The following SLC16A10 variants were observed in gnomAD, a reference collection of about 807,000 sequenced individuals.
SLC16A10 encodes monocarboxylate transporter 10.
SLC16A10 carries 27 observed loss-of-function variants against 40.0 expected under a neutral mutation model. The observed-to-expected ratio is 0.67, with a 90% confidence interval of 0.50 to 0.93. The LOEUF is 0.93. SLC16A10 is among the 40% of genes least tolerant of loss of function. The pLI, the probability that SLC16A10 is intolerant of heterozygous loss-of-function variation, is 0.00. For synonymous variants in SLC16A10, 213 were observed against 249.8 expected (o/e 0.85, Z 1.39); for missense variants, 529 against 658.2 (o/e 0.80, Z 2.15).
chr6:111,212,040 C>T (rs1328004479), intron 4 of SLC16A10, among the ~76,000 whole-genome samples: 1 of 152,198 alleles, frequency 6.6e-6, no homozygotes, highest in Non-Finnish European at 1.5e-5. Flanking sequence ...TTCTGAGTAG[C>T]AGCCAGGCCT....
intron 2 of SLC16A10, among the ~76,000 whole-genome samples, chr6:111,174,292 A>T (rs1772639069): frequency 6.6e-6 from 1 of 152,102 alleles, no homozygotes; most frequent in Non-Finnish European, 1.5e-5. Flanking sequence ...AGGAAAAATA[A>T]GTCAAATTTA....
chr6:111,151,025 A>G (rs1024639185), intron 1 of SLC16A10, among the ~76,000 whole-genome samples: 4 of 152,158 alleles, frequency 2.6e-5, no homozygotes, highest in African/African-American at 9.7e-5. Context: ...TCCTTTTAGG[A>G]CACTTCCATC....
At chr6:111,191,720 C>A (rs535135991) in intron 3 of SLC16A10, among the ~76,000 whole-genome samples, 1 of 152,116 alleles carries the variant, frequency 6.6e-6, no homozygotes, top group Non-Finnish European at 1.5e-5. Flanking sequence ...TTCTAACTGG[C>A]GTGAGATAGT....
chr6:111,111,369 G>C (rs1771382723), intron 1 of SLC16A10, among the ~76,000 whole-genome samples: 1 of 152,082 alleles, frequency 6.6e-6, no homozygotes, highest in Non-Finnish European at 1.5e-5. Flanking sequence ...ACCTCACACA[G>C]TTATCATTTT....
intron 3 of SLC16A10, among the ~76,000 whole-genome samples, chr6:111,188,429 T>A (rs1364752758): frequency 6.6e-6 from 1 of 152,162 alleles, no homozygotes; most frequent in Non-Finnish European, 1.5e-5. Flanking sequence ...CAAATTTAAG[T>A]AATTTTGTTT....
intron 1 of SLC16A10, among the ~76,000 whole-genome samples, chr6:111,129,465 C>T (rs1771742960): frequency 6.6e-6 from 1 of 152,158 alleles, no homozygotes; most frequent in African/African-American, 2.4e-5. Context: ...TTGTTCTTGT[C>T]AGTGGCTTTA....
chr6:111,188,902 T>G (rs973561715), intron 3 of SLC16A10, among the ~76,000 whole-genome samples: 6 of 152,234 alleles, frequency 3.9e-5, no homozygotes, highest in African/African-American at 1.4e-4. Context: ...ACATTGAGGC[T>G]CAGAGAGGTT....
At chr6:111,161,605 C>T (rs1772374131) in intron 1 of SLC16A10, among the ~76,000 whole-genome samples, 1 of 151,974 alleles carries the variant, frequency 6.6e-6, no homozygotes, top group Non-Finnish European at 1.5e-5. Flanking sequence ...CTAAGGGTCC[C>T]CAGTAAAAGG....
intron 3 of SLC16A10, among the ~76,000 whole-genome samples, chr6:111,187,060 A>G (rs1772910817): frequency 6.6e-6 from 1 of 152,206 alleles, no homozygotes; most frequent in Non-Finnish European, 1.5e-5. Flanking sequence ...AGCATAGTTT[A>G]AGATTTTTGC....
At chr6:111,204,931 T>G (rs1458126632) in intron 3 of SLC16A10, among the ~76,000 whole-genome samples, 2 of 148,868 alleles carry the variant, frequency 1.3e-5, no homozygotes, top group Non-Finnish European at 3.0e-5. Context: ...ATTTTGTACT[T>G]TTTTTTTTTA....
intron 1 of SLC16A10, among the ~76,000 whole-genome samples, chr6:111,117,888 A>G (rs1771517146): frequency 6.6e-6 from 1 of 152,216 alleles, no homozygotes; most frequent in Non-Finnish European, 1.5e-5. Context: ...TAGGACTTCA[A>G]ATCTAGTGCA....
intron 1 of SLC16A10, among the ~76,000 whole-genome samples, chr6:111,139,879 C>A (rs759309443): frequency 6.6e-5 from 10 of 152,210 alleles, no homozygotes; most frequent in Admixed American, 6.5e-5. Flanking sequence ...TACACTCATA[C>A]AGTATATAAG....
intron 1 of SLC16A10, among the ~76,000 whole-genome samples, chr6:111,120,867 G>C (rs1583313572): frequency 6.6e-6 from 1 of 152,070 alleles, no homozygotes; most frequent in African/African-American, 2.4e-5. Context: ...TAAGGTGTTA[G>C]GGTTATTTTT....
At chr6:111,156,124 G>A (rs1380196485) in intron 1 of SLC16A10, among the ~76,000 whole-genome samples, 1 of 152,064 alleles carries the variant, frequency 6.6e-6, no homozygotes. Context: ...TTAAATCAGA[G>A]TATAAAATAA....
chr6:111,132,793 G>A (rs1446622205), intron 1 of SLC16A10, among the ~76,000 whole-genome samples: 1 of 152,142 alleles, frequency 6.6e-6, no homozygotes, highest in Non-Finnish European at 1.5e-5. Flanking sequence ...GATGATAGAT[G>A]GTTCCTCCCA....
intron 1 of SLC16A10, among the ~76,000 whole-genome samples, chr6:111,136,635 T>C (rs1280320773): frequency 6.6e-6 from 1 of 152,212 alleles, no homozygotes; most frequent in African/African-American, 2.4e-5. Flanking sequence ...CAACAAGTAA[T>C]TGCTCAAACC....
intron 1 of SLC16A10, among the ~76,000 whole-genome samples, chr6:111,162,345 T>C (rs1291576754): frequency 2.0e-5 from 3 of 152,198 alleles, no homozygotes; most frequent in African/African-American, 4.8e-5. Flanking sequence ...ACCTATGAGT[T>C]GGGTAAATTC....
chr6:111,226,392 T>C lies in SLC16A10; in HGVS notation c.*4157T>C, dbSNP rs1770996164. ...GGTTACATTTTCTGGTGAATGGTGT[T>C]AGAGTAAATTCCCAGAGTTTAGAGA... is the stretch of plus-strand genomic sequence containing the variant. On this transcript the variant is annotated 3_prime_UTR_variant, in exon 6 of 6. Coordinates refer to ENST00000368851, the MANE Select transcript of SLC16A10 (RefSeq NM_018593.5). 1 of 152,234 alleles carries C rather than the reference T, an allele frequency of 6.6e-6. No homozygotes were observed. 9.4% of individuals were successfully genotyped at this position (152,234 alleles called of 1,614,324 possible).
intron 3 of SLC16A10, among the ~76,000 whole-genome samples, chr6:111,206,363 C>T (rs983096420): frequency 6.6e-6 from 1 of 152,186 alleles, no homozygotes; most frequent in African/African-American, 2.4e-5. Flanking sequence ...AGGCGTGAGC[C>T]ACCATGCCCG....
Sources: gnomAD v4.1 joint callset for allele counts (sites outside exome capture counted in the v4.1 genomes callset) on GRCh38, gnomAD v4.1.1 for gene constraint, MANE v1.5 for transcripts, NCBI Gene and HGNC (gene_info 2026-07-23, HGNC 2026-07-21) for gene names.